INPP4B: variants seen among roughly 807,000 people sequenced by gnomAD.
INPP4B encodes the protein inositol polyphosphate 4-phosphatase type II.
Under a neutral mutation model 122.5 loss-of-function variants are expected in INPP4B, and 55 were observed. That is an observed-to-expected ratio of 0.45 (90% CI 0.36 to 0.56). The LOEUF (loss-of-function observed/expected upper bound fraction) is 0.56, where lower values mean the gene tolerates loss of function less well. Among genes scored for constraint, INPP4B ranks in the 20% least tolerant of loss-of-function variants. The pLI, the probability that INPP4B is intolerant of heterozygous loss-of-function variation, is 0.00. For synonymous variants in INPP4B, 403 were observed against 388.7 expected, an observed-to-expected ratio of 1.04 and a Z score of -0.43; for missense variants, 1,000 against 1,097.7, an observed-to-expected ratio of 0.91 and a Z score of 1.26.
chr4:142,610,196 A>G (rs1278929143), intron 2 of INPP4B, among the ~76,000 whole-genome samples: 14 of 152,126 alleles, frequency 9.2e-5, no homozygotes, highest in Non-Finnish European at 2.1e-4. Flanking sequence ...ACGAGATCTA[A>G]TGGTTTTATT....
intron 2 of INPP4B, among the ~76,000 whole-genome samples, chr4:142,584,760 G>GA (rs1007361633): frequency 3.1e-4 from 46 of 150,442 alleles, no homozygotes; most frequent in Non-Finnish European, 4.1e-4. Flanking sequence ...GTTTTTTGGG[G>GA]AAAAAAAAAG....
At chr4:142,641,271 T>TCA (rs1750356141) in intron 2 of INPP4B, among the ~76,000 whole-genome samples, 1 of 152,104 alleles carries the variant, frequency 6.6e-6, no homozygotes, top group Non-Finnish European at 1.5e-5. Context: ...TTTTTTCATT[T>TCA]TATATATATT....
chr4:142,248,971 C>CT (rs1730556917), intron 11 of INPP4B, among the ~76,000 whole-genome samples: 1 of 151,708 alleles, frequency 6.6e-6, no homozygotes, highest in African/African-American at 2.4e-5. Flanking sequence ...AGCAATGTTC[C>CT]TTCCTCCTAA....
intron 17 of INPP4B, among the ~76,000 whole-genome samples, chr4:142,149,717 G>T (rs756818430): frequency 6.6e-6 from 1 of 152,164 alleles, no homozygotes; most frequent in African/African-American, 2.4e-5. Flanking sequence ...GGCTGGTCCC[G>T]TCCCATGGAC....
chr4:142,817,220 C>T (rs186990759), intron 1 of INPP4B, among the ~76,000 whole-genome samples: 51 of 152,230 alleles, frequency 3.4e-4, no homozygotes, highest in African/African-American at 1.1e-3. Flanking sequence ...TTGTATTGCA[C>T]TCATTCATTT....
chr4:142,825,498 A>C (rs1274430768), intron 1 of INPP4B, among the ~76,000 whole-genome samples: 1 of 152,120 alleles, frequency 6.6e-6, no homozygotes, highest in African/African-American at 2.4e-5. Context: ...ATCATATCAT[A>C]TATCATTGAA....
chr4:142,167,991 G>A (rs1326876417), intron 16 of INPP4B, among the ~76,000 whole-genome samples: 2 of 150,484 alleles, frequency 1.3e-5, no homozygotes, highest in Non-Finnish European at 3.0e-5. Context: ...TCAGTAGCTT[G>A]AGGATGTGAC....
At chr4:142,238,835 A>C (rs1857833144) in intron 11 of INPP4B, among the ~76,000 whole-genome samples, 1 of 152,002 alleles carries the variant, frequency 6.6e-6, no homozygotes, top group African/African-American at 2.4e-5. Flanking sequence ...TCAAGTCATC[A>C]GGGGAGAATT....
intron 11 of INPP4B, among the ~76,000 whole-genome samples, chr4:142,254,954 G>T (rs1276518269): frequency 1.3e-5 from 2 of 152,086 alleles, no homozygotes; most frequent in Non-Finnish European, 2.9e-5. Context: ...CAGCCAGAGA[G>T]AAAGGTCGGG....
At chr4:142,832,301 T>G (rs1026543388) in intron 1 of INPP4B, among the ~76,000 whole-genome samples, 1 of 151,928 alleles carries the variant, frequency 6.6e-6, no homozygotes, top group African/African-American at 2.4e-5. Context: ...TTTTAGACCA[T>G]GAAAAAAAAA....
intron 21 of INPP4B, among the ~76,000 whole-genome samples, chr4:142,121,872 T>G (rs531553499): frequency 6.6e-6 from 1 of 152,232 alleles, no homozygotes; most frequent in South Asian, 2.1e-4. Flanking sequence ...AGGCTATTAT[T>G]TTGAATTTCT....
chr4:142,421,634 G>C (rs1261030267), intron 5 of INPP4B, among the ~76,000 whole-genome samples: 1 of 152,052 alleles, frequency 6.6e-6, no homozygotes, highest in African/African-American at 2.4e-5. Context: ...AAATGTAAAT[G>C]AGCATTAAAT....
At chr4:142,628,887 T>C (rs1458126466) in intron 2 of INPP4B, among the ~76,000 whole-genome samples, 3 of 152,096 alleles carry the variant, frequency 2.0e-5, no homozygotes, top group Non-Finnish European at 4.4e-5. Flanking sequence ...GTATCATAGA[T>C]AACACAAAAT....
At chr4:142,094,292 G>A (rs79313921) in intron 23 of INPP4B, among the ~76,000 whole-genome samples, 9,209 of 152,214 alleles carry the variant, frequency 0.061, 282 homozygotes, top group Middle Eastern at 0.071. Flanking sequence ...TAAACTGGGT[G>A]AACAACTACT....
At chr4:142,538,515 C>T (rs1828552873) in intron 2 of INPP4B, among the ~76,000 whole-genome samples, 2 of 152,030 alleles carry the variant, frequency 1.3e-5, no homozygotes, top group East Asian at 3.9e-4. Context: ...CACATTTATG[C>T]TAAATGCCAA....
At chr4:142,476,461 G>A (rs1177592284) in intron 2 of INPP4B, among the ~76,000 whole-genome samples, 2 of 151,906 alleles carry the variant, frequency 1.3e-5, no homozygotes, top group African/African-American at 4.8e-5. Flanking sequence ...AACAACACAA[G>A]GACAGGCTCA....
chr4:142,112,511 T>C, intron 22 of INPP4B, 31 bp downstream of exon 22: 1 of 1,609,696 alleles, frequency 6.2e-7, no homozygotes, highest in Non-Finnish European at 8.5e-7. Flanking sequence ...CAAAGAAAAA[T>C]CTCAAGTGCG....
chr4:142,678,163 T>G (rs570678477), intron 2 of INPP4B, among the ~76,000 whole-genome samples: 1 of 152,050 alleles, frequency 6.6e-6, no homozygotes, highest in East Asian at 1.9e-4. Context: ...AATACTATGA[T>G]GACAGGCTGC....
intron 3 of INPP4B, among the ~76,000 whole-genome samples, chr4:142,444,811 T>C (rs988829440): frequency 1.3e-5 from 2 of 151,984 alleles, no homozygotes; most frequent in African/African-American, 2.4e-5. Flanking sequence ...ATAAACACCA[T>C]GGAAGAGTAT....
Sources: gnomAD v4.1 joint callset for allele counts (sites outside exome capture counted in the v4.1 genomes callset) on GRCh38, gnomAD v4.1.1 for gene constraint, MANE v1.5 for transcripts, NCBI Gene and HGNC (gene_info 2026-07-23, HGNC 2026-07-21) for gene names.